Variants in CACNA2D3 observed in about 807,000 individuals in gnomAD.
The protein encoded by CACNA2D3 is calcium voltage-gated channel auxiliary subunit alpha2delta 3, also known as voltage-dependent calcium channel subunit alpha-2/delta-3.
Under a neutral mutation model 160.6 loss-of-function variants are expected in CACNA2D3, and 60 were observed. The observed-to-expected ratio is 0.37, with a 90% CI of 0.30 to 0.46. The LOEUF is 0.46. Among genes scored for constraint, CACNA2D3 ranks in the 20% least tolerant of loss-of-function variants. CACNA2D3 has a pLI of 1.00. For synonymous variants in CACNA2D3, 558 were observed against 492.9 expected, an observed-to-expected ratio of 1.13 and a Z score of -1.75; for missense variants, 1,205 against 1,365.0, an observed-to-expected ratio of 0.88 and a Z score of 1.85.
At chr3:54,877,642 A>G (rs977123022) in intron 18 of CACNA2D3, among the ~76,000 whole-genome samples, 3 of 152,112 alleles carry the variant, frequency 2.0e-5, no homozygotes, top group Admixed American at 6.5e-5. Context: ...TGTTTTTGTT[A>G]TGATTTAAGA....
At chr3:54,939,899 T>C (rs1458743940) in intron 27 of CACNA2D3, among the ~76,000 whole-genome samples, 2 of 152,176 alleles carry the variant, frequency 1.3e-5, no homozygotes, top group African/African-American at 4.8e-5. Context: ...AGTCTGAAGA[T>C]AGAGCATGCC....
intron 31 of CACNA2D3, among the ~76,000 whole-genome samples, chr3:54,992,821 A>G (rs1702771808): frequency 6.6e-6 from 1 of 151,866 alleles, no homozygotes; most frequent in Non-Finnish European, 1.5e-5. Flanking sequence ...GAGACTGGGT[A>G]ATTTACAAAG....
intron 2 of CACNA2D3, among the ~76,000 whole-genome samples, chr3:54,196,019 C>T (rs749165811): frequency 8.5e-5 from 13 of 152,122 alleles, no homozygotes; most frequent in Non-Finnish European, 1.5e-4. Context: ...GTCACATCAC[C>T]GAGGACAATG....
intron 11 of CACNA2D3, among the ~76,000 whole-genome samples, chr3:54,742,524 T>C (rs1575452475): frequency 6.6e-6 from 1 of 152,354 alleles, no homozygotes; most frequent in East Asian, 1.9e-4. Flanking sequence ...ATCCAATTCT[T>C]AGCCCTGTTT....
At chr3:54,748,808 T>G (rs1206872573) in intron 11 of CACNA2D3, among the ~76,000 whole-genome samples, 1 of 152,150 alleles carries the variant, frequency 6.6e-6, no homozygotes, top group Non-Finnish European at 1.5e-5. Flanking sequence ...GGCAGACCAC[T>G]GAAAGTTTGT....
At chr3:54,658,315 C>G (rs1031907534) in intron 11 of CACNA2D3, among the ~76,000 whole-genome samples, 1 of 152,152 alleles carries the variant, frequency 6.6e-6, no homozygotes, top group Non-Finnish European at 1.5e-5. Context: ...CACAAGTGTT[C>G]TTCCTTTTTC....
chr3:54,966,916 G>A (rs900082123), intron 27 of CACNA2D3: 2 of 152,102 alleles, frequency 1.3e-5, no homozygotes, highest in Non-Finnish European at 2.9e-5. Flanking sequence ...TTTTTAAAAA[G>A]CAAGCATTTA....
chr3:54,521,052 T>G (rs537231047), intron 5 of CACNA2D3, among the ~76,000 whole-genome samples: 1 of 152,220 alleles, frequency 6.6e-6, no homozygotes, highest in African/African-American at 2.4e-5. Flanking sequence ...TTGTCTATTA[T>G]GAATAATGCT....
chr3:54,773,176 A>G (rs1410248411), intron 13 of CACNA2D3, among the ~76,000 whole-genome samples: 1 of 152,196 alleles, frequency 6.6e-6, no homozygotes, highest in Non-Finnish European at 1.5e-5. Context: ...AGAAAACACT[A>G]TGCATTTGAT....
At chr3:54,325,851 T>C (rs1006748155) in intron 3 of CACNA2D3, among the ~76,000 whole-genome samples, 2 of 152,216 alleles carry the variant, frequency 1.3e-5, no homozygotes, top group Non-Finnish European at 2.9e-5. Flanking sequence ...CTCACACCTG[T>C]AAATAAACTT....
At chr3:54,480,394 C>G (rs1286700574) in intron 4 of CACNA2D3, among the ~76,000 whole-genome samples, 1 of 152,078 alleles carries the variant, frequency 6.6e-6, no homozygotes, top group Non-Finnish European at 1.5e-5. Context: ...CACCCTACAC[C>G]CCACAGTCGC....
chr3:54,725,189 T>C (rs114571621), intron 11 of CACNA2D3, among the ~76,000 whole-genome samples: 9,100 of 152,172 alleles, frequency 0.06, 353 homozygotes, highest in Non-Finnish European at 0.087. Context: ...TCTTGACACA[T>C]ATACCCTCCC....
intron 29 of CACNA2D3, among the ~76,000 whole-genome samples, chr3:54,970,126 A>C (rs536524840): frequency 1.3e-5 from 2 of 152,062 alleles, no homozygotes; most frequent in Non-Finnish European, 2.9e-5. Context: ...CCTAACTCCT[A>C]CTGTTTGAAG....
chr3:54,626,669 G>A, intron 9 of CACNA2D3: 1 of 692,796 alleles, frequency 1.4e-6, no homozygotes, highest in South Asian at 1.6e-5. Context: ...TAATAAAGGC[G>A]CACATGGTTC....
At chr3:54,756,229 G>T (rs1701967231) in intron 12 of CACNA2D3, among the ~76,000 whole-genome samples, 1 of 152,090 alleles carries the variant, frequency 6.6e-6, no homozygotes, top group Non-Finnish European at 1.5e-5. Flanking sequence ...ACCAGAGTCA[G>T]CCCTTCTTGA....
At chr3:54,933,453 G>T (rs1219211436) in intron 27 of CACNA2D3, among the ~76,000 whole-genome samples, 1 of 152,154 alleles carries the variant, frequency 6.6e-6, no homozygotes, top group Non-Finnish European at 1.5e-5. Context: ...CTCTCCATCA[G>T]TTGGAAAAGG....
At chr3:54,568,976 C>G (rs1702451425) in intron 6 of CACNA2D3, among the ~76,000 whole-genome samples, 1 of 152,222 alleles carries the variant, frequency 6.6e-6, no homozygotes, top group Non-Finnish European at 1.5e-5. Flanking sequence ...AACGATATTT[C>G]TGTTTTTATT....
At chr3:54,890,495 CAAAAAAA>C (rs34740812) in intron 24 of CACNA2D3, among the ~76,000 whole-genome samples, 52 of 60,846 alleles carry the variant, frequency 8.5e-4, no homozygotes, top group Admixed American at 3.4e-3. Context: ...GACTCCGTCT[CAAAAAAA>C]AAAAAAAAAA....
chr3:54,228,713 T>C (rs1159282433), intron 2 of CACNA2D3, among the ~76,000 whole-genome samples: 1 of 152,238 alleles, frequency 6.6e-6, no homozygotes, highest in East Asian at 1.9e-4. Context: ...CACCAAGGTG[T>C]ACACTGTGGA....
Sources: gnomAD v4.1 joint callset for allele counts (sites outside exome capture counted in the v4.1 genomes callset) on GRCh38, gnomAD v4.1.1 for gene constraint, MANE v1.5 for transcripts, NCBI Gene and HGNC (gene_info 2026-07-23, HGNC 2026-07-21) for gene names.